Variants in CAMKK1 observed in about 807,000 individuals in gnomAD.
CAMKK1 encodes calcium/calmodulin-dependent protein kinase kinase 1.
A neutral mutation model predicts 63.5 loss-of-function variants in CAMKK1; 20 were observed. The observed-to-expected ratio is 0.32, with a 90% confidence interval of 0.22 to 0.46. The LOEUF is 0.46. Ranked by LOEUF, CAMKK1 falls within the 20% of genes least tolerant of loss-of-function variation. CAMKK1 has a pLI of 1.00. For missense variants in CAMKK1, 588 were observed against 658.1 expected (o/e 0.89, Z 1.17); for synonymous variants, 253 against 269.0 (o/e 0.94, Z 0.58).
chr17:3,872,127 G>GC (rs1227961305), intron 12 of CAMKK1, among the ~76,000 whole-genome samples: 5 of 152,152 alleles, frequency 3.3e-5, no homozygotes, highest in African/African-American at 1.2e-4. Flanking sequence ...TTGAGTCCCA[G>GC]CCCCCTGACC....
At position 3,862,147 on chromosome 17, in the gene CAMKK1, G is replaced by A; in HGVS notation, c.*64C>T. 1 of 1,386,494 alleles carries A rather than the reference G, an allele frequency of 7.2e-7. No individual in the cohort carries two copies. The highest frequency in any genetic ancestry group is 9.9e-7 in the Non-Finnish European group (1 of 1,005,496). 85.9% of individuals were successfully genotyped at this position (1,386,494 alleles called of 1,614,324 possible). A position where few individuals can be genotyped will look rare whatever the true frequency, so the allele number is the denominator to read the frequency against. ...GCCTGCGGGGGCGGCTGTTGCATGA[G>A]GGGTGGGCCTCTGGAGGCGCGGGAT... is the stretch of plus-strand genomic sequence containing the variant. On this transcript the variant is annotated 3_prime_UTR_variant, in exon 16 of 16. Coordinates refer to ENST00000348335, the MANE Select transcript of CAMKK1 (RefSeq NM_032294.3). This position sits in a 1 kb window ranked among gnomAD's most constrained non-coding sequence, Gnocchi z 4.1.
Position 3,879,018 on chromosome 17 carries a change from T to C in CAMKK1, c.796+1328A>G, listed in dbSNP as rs1157986495. 2.0e-5 allele frequency: 3 copies of C among 152,210 alleles called. No homozygotes were observed. Among genetic ancestry groups the C allele is most frequent in the African/African-American group, 7.2e-5 (3 of 41,430 alleles). 9.4% of individuals were successfully genotyped at this position (152,210 alleles called of 1,614,324 possible). ...TAGTAGAGACAGGCTTTTGCCACGTTGGCCAGGCTGGTCTCAAACCCCTGA... is the reference window on the plus strand; with the variant it reads ...TAGTAGAGACAGGCTTTTGCCACGTCGGCCAGGCTGGTCTCAAACCCCTGA... On this transcript the variant is annotated intron_variant, in intron 9 of 15. Coordinates refer to ENST00000348335, the MANE Select transcript of CAMKK1 (RefSeq NM_032294.3). This position sits in a 1 kb window ranked among gnomAD's most constrained non-coding sequence, Gnocchi z 4.5.
At position 3,860,439 on chromosome 17, in the gene CAMKK1, T is replaced by C. The variant is rs1288565828; in HGVS notation, c.*1772A>G. 6.6e-6 allele frequency: 1 copy of C among 152,622 alleles called. No homozygotes were observed. The highest frequency in any genetic ancestry group is 1.5e-5 in the Non-Finnish European group (1 of 68,036). 9.5% of individuals were successfully genotyped at this position (152,622 alleles called of 1,614,324 possible). A position where few individuals can be genotyped will look rare whatever the true frequency, so the allele number is the denominator to read the frequency against. On this transcript the variant is annotated 3_prime_UTR_variant, in exon 16 of 16. Coordinates refer to ENST00000348335, the MANE Select transcript of CAMKK1 (RefSeq NM_032294.3). Reference sequence around the variant, plus strand: ...CTTGTGCTACATTCAAAAACAACGATGCCAACCAAAACCCTCAGTGACAGG... The same window carrying C: ...CTTGTGCTACATTCAAAAACAACGACGCCAACCAAAACCCTCAGTGACAGG...
intron 1 of CAMKK1, among the ~76,000 whole-genome samples, chr17:3,886,704 G>A (rs2055667670): frequency 6.6e-6 from 1 of 152,136 alleles, no homozygotes; most frequent in African/African-American, 2.4e-5. Flanking sequence ...TGAGACTCAT[G>A]TTCTCAAACT....
intron 9 of CAMKK1, among the ~76,000 whole-genome samples, chr17:3,876,883 G>A (rs893247679): frequency 8.0e-5 from 12 of 150,570 alleles, no homozygotes; most frequent in African/African-American, 1.2e-4. Context: ...TCAGCCTCCC[G>A]AGTAGTTGGG....
intron 14 of CAMKK1, among the ~76,000 whole-genome samples, chr17:3,868,347 C>CCCGTCTA (rs2054657375): frequency 2.0e-5 from 3 of 150,582 alleles, no homozygotes; most frequent in East Asian, 2.0e-4. Flanking sequence ...GAGACGCAGG[C>CCCGTCTA]ACTGCCTGAT....
chr17:3,867,876 T>G (rs1035233124), intron 14 of CAMKK1, among the ~76,000 whole-genome samples: 7 of 152,074 alleles, frequency 4.6e-5, no homozygotes, highest in Admixed American at 1.3e-4. Context: ...CACTTCCAAG[T>G]GCCAACACAG....
Position 3,880,447 on chromosome 17 carries a change from A to G in CAMKK1, c.708-13T>C, listed in dbSNP as rs777059654. On this transcript the variant is annotated splice_polypyrimidine_tract_variant and intron_variant, in intron 8 of 15. Transcript: ENST00000348335. ...TTCCATGACGGGCCTATGGAGAAGG[A>G]TGCGGGGAGGGGCATTCAGCTGAAA... 1.9e-6 allele frequency: 3 copies of G among 1,610,068 alleles called. No individual in the cohort carries two copies. The African/African-American group carries it at 4.0e-5, about 22-fold the overall frequency.
In CAMKK1 at chr17:3,890,065, C is replaced by G. The variant is rs1313517605; in HGVS notation, c.-44+2874G>C. On this transcript the variant is annotated intron_variant, in intron 1 of 15. Coordinates refer to ENST00000348335, the MANE Select transcript of CAMKK1 (RefSeq NM_032294.3). This position sits in a 1 kb window ranked among gnomAD's most constrained non-coding sequence, Gnocchi z 6.5. ...GCAGAGGACCGAACAGAAGGGAAAG[C>G]CGCAGAGGTGGCGGCCACCCAGGCC... Among the ~76,000 whole-genome samples, 1 of 152,204 alleles carries G rather than the reference C, an allele frequency of 6.6e-6. No homozygotes were observed. Among genetic ancestry groups the G allele is most frequent in the African/African-American group, 2.4e-5 (1 of 41,448 alleles).
chr17:3,880,330 G>A lies in CAMKK1; in HGVS notation c.796+16C>T, dbSNP rs761990301. Reference sequence around the variant, plus strand: ...CCCTAGCCCCAGCCCCAGTGGGCAAGCTGCCCCGCACTCACAGTACTCGAG... The same window carrying A: ...CCCTAGCCCCAGCCCCAGTGGGCAAACTGCCCCGCACTCACAGTACTCGAG... On this transcript the variant is annotated intron_variant, in intron 9 of 15. Transcript: ENST00000348335. 6.2e-7 allele frequency: 1 copy of A among 1,611,278 alleles called. No individual in the cohort carries two copies. The highest frequency in any genetic ancestry group is 1.7e-5 in the Admixed American group (1 of 60,012).
In CAMKK1 at chr17:3,887,270, T is replaced by C. The variant is rs1012042521; in HGVS notation, c.-43-1540A>G. 1.3e-5 allele frequency among the ~76,000 whole-genome samples: 2 copies of C among 152,120 alleles called. No homozygotes were observed. The highest frequency in any genetic ancestry group is 4.8e-5 in the African/African-American group (2 of 41,428). On this transcript the variant is annotated intron_variant, in intron 1 of 15. Coordinates refer to ENST00000348335, the MANE Select transcript of CAMKK1 (RefSeq NM_032294.3). This position sits in a 1 kb window ranked among gnomAD's most constrained non-coding sequence, Gnocchi z 6.1. Reference sequence around the variant, plus strand: ...CTCACAGCAGGGTTTGGAGGTAGACTGAGGGTAAGGGTGAGGTCCAGACCC... The same window carrying C: ...CTCACAGCAGGGTTTGGAGGTAGACCGAGGGTAAGGGTGAGGTCCAGACCC...
At chr17:3,869,369 C>CTCCT (rs1208864764) in intron 14 of CAMKK1, 118 bp downstream of exon 14, 2 of 1,407,736 alleles carry the variant, frequency 1.4e-6, no homozygotes, top group Non-Finnish European at 1.9e-6. Context: ...TCCAGTGGCC[C>CTCCT]AGGATCACAG....
intron 10 of CAMKK1, among the ~76,000 whole-genome samples, chr17:3,875,462 T>A (rs56998402): frequency 0.039 from 5,889 of 152,116 alleles, 387 homozygotes; most frequent in African/African-American, 0.13. Context: ...TTTTATTTTT[T>A]TTTTTGTAGA....
intron 9 of CAMKK1, 46 bp downstream of exon 9, chr17:3,880,300 A>C (rs903318131): frequency 3.2e-6 from 5 of 1,542,614 alleles, no homozygotes; most frequent in Non-Finnish European, 4.5e-6. Context: ...GCCGCCTGCC[A>C]GATCCCCTAG....
At chr17:3,874,460 C>T (rs1354276709) in intron 10 of CAMKK1, among the ~76,000 whole-genome samples, 1 of 152,234 alleles carries the variant, frequency 6.6e-6, no homozygotes, top group Non-Finnish European at 1.5e-5. Context: ...CAACCTCTGC[C>T]TCCTGGGTTC....
In CAMKK1 at chr17:3,869,899, C is replaced by T. The variant is rs375443699; in HGVS notation, c.1125-11G>A. 4 of 1,612,130 alleles carry T rather than the reference C, an allele frequency of 2.5e-6. No homozygotes were observed. Among genetic ancestry groups the T allele is most frequent in the Admixed American group, 1.7e-5 (1 of 60,002 alleles). ...TCGCTGATTTCTGGCCTGGAGAGGGCGAAGGAAGGAGAGGAGGGTGGGACC... is the reference window on the plus strand; with the variant it reads ...TCGCTGATTTCTGGCCTGGAGAGGGTGAAGGAAGGAGAGGAGGGTGGGACC... On this transcript the variant is annotated splice_polypyrimidine_tract_variant and intron_variant, in intron 12 of 15. Coordinates refer to ENST00000348335, the MANE Select transcript of CAMKK1 (RefSeq NM_032294.3).
intron 10 of CAMKK1, among the ~76,000 whole-genome samples, chr17:3,874,215 C>A (rs1001253230): frequency 2.0e-5 from 3 of 152,082 alleles, no homozygotes; most frequent in African/African-American, 7.2e-5. Context: ...GGAAAGACAA[C>A]GGCAGGCCAA....
At chr17:3,874,496 C>A (rs959364681) in intron 10 of CAMKK1, among the ~76,000 whole-genome samples, 1 of 152,162 alleles carries the variant, frequency 6.6e-6, no homozygotes, top group African/African-American at 2.4e-5. Context: ...CTCAGCCTCC[C>A]AAGTAGCTGG....
At chr17:3,875,399 G>A (rs1216667947) in intron 10 of CAMKK1, among the ~76,000 whole-genome samples, 1 of 151,650 alleles carries the variant, frequency 6.6e-6, no homozygotes, top group East Asian at 1.9e-4. Flanking sequence ...CTCCCACCTC[G>A]GCCTCCCAAG....
Sources: gnomAD v4.1 joint callset for allele counts (sites outside exome capture counted in the v4.1 genomes callset) on GRCh38, gnomAD v4.1.1 for gene constraint, Gnocchi (gnomAD v3.1) non-coding constraint, MANE v1.5 for transcripts, NCBI Gene and HGNC (gene_info 2026-07-23, HGNC 2026-07-21) for gene names.